The following LIMCH1 variants were observed in gnomAD, a reference collection of about 807,000 sequenced individuals.
LIMCH1 encodes the protein LIM and calponin homology domains 1, also known as LIM and calponin homology domains-containing protein 1.
A neutral mutation model predicts 176.5 loss-of-function variants in LIMCH1; 113 were observed. The ratio of observed to expected loss-of-function variants is 0.64; its 90% CI spans 0.55 to 0.75. LIMCH1 has a LOEUF of 0.75. Among genes scored for constraint, LIMCH1 ranks in the 30% least tolerant of loss-of-function variants. The probability of loss-of-function intolerance (pLI) is 0.00; values close to 1 mark genes in which losing one functional copy is unlikely to be tolerated. For synonymous variants in LIMCH1, 619 were observed against 645.9 expected (o/e 0.96, Z 0.63); for missense variants, 1,674 against 1,814.9 (o/e 0.92, Z 1.41).
chr4:41,558,728 C>T (rs1561747497), intron 1 of LIMCH1, among the ~76,000 whole-genome samples: 1 of 152,090 alleles, frequency 6.6e-6, no homozygotes, highest in Non-Finnish European at 1.5e-5. Context: ...TTGTGTATTT[C>T]CACCTTGGTA....
chr4:41,427,847 C>G (rs2154134420), intron 1 of LIMCH1, among the ~76,000 whole-genome samples: 1 of 151,922 alleles, frequency 6.6e-6, no homozygotes, highest in East Asian at 1.9e-4. Flanking sequence ...ACGGATTCAG[C>G]TAAAGTTTTG....
intron 2 of LIMCH1, among the ~76,000 whole-genome samples, chr4:41,494,913 T>C (rs979475160): frequency 6.6e-6 from 1 of 152,214 alleles, no homozygotes; most frequent in African/African-American, 2.4e-5. Context: ...GTGGACCTAA[T>C]TGTGGTAAAA....
chr4:41,677,959 A>C (rs1712303734), intron 23 of LIMCH1, among the ~76,000 whole-genome samples: 1 of 152,138 alleles, frequency 6.6e-6, no homozygotes, highest in African/African-American at 2.4e-5. Flanking sequence ...ATTATACTTC[A>C]AGTTCTGGGA....
chr4:41,514,238 T>TTACAAAG (rs2075323550), intron 2 of LIMCH1, among the ~76,000 whole-genome samples: 1 of 152,046 alleles, frequency 6.6e-6, no homozygotes, highest in African/African-American at 2.4e-5. Flanking sequence ...CAGAGAGGAC[T>TTACAAAG]AACCCTTTGC....
chr4:41,393,581 A>G (rs958354440), intron 1 of LIMCH1, among the ~76,000 whole-genome samples: 8 of 152,376 alleles, frequency 5.3e-5, no homozygotes, highest in African/African-American at 1.7e-4. Flanking sequence ...GATGGAGACT[A>G]TATGGCTGAA....
chr4:41,680,909 G>T, intron 24 of LIMCH1, 46 bp from the exon 25 acceptor site: 1 of 1,077,224 alleles, frequency 9.3e-7, no homozygotes, highest in Non-Finnish European at 1.4e-6. Context: ...TGACAAATAT[G>T]ATTTTTATTT....
chr4:41,567,936 C>T (rs1351170179), intron 1 of LIMCH1, among the ~76,000 whole-genome samples: 7 of 152,094 alleles, frequency 4.6e-5, no homozygotes, highest in Non-Finnish European at 7.4e-5. Flanking sequence ...AGGCGGACCA[C>T]GAGGTCAGGA....
At chr4:41,601,249 G>A (rs2089869398) in intron 2 of LIMCH1, among the ~76,000 whole-genome samples, 1 of 152,170 alleles carries the variant, frequency 6.6e-6, no homozygotes, top group Non-Finnish European at 1.5e-5. Flanking sequence ...CAAGAAATGA[G>A]AAGCAAAGAA....
chr4:41,652,731 C>T (rs1422869765), intron 18 of LIMCH1, among the ~76,000 whole-genome samples: 1 of 152,016 alleles, frequency 6.6e-6, no homozygotes, highest in African/African-American at 2.4e-5. Context: ...ATTACATATC[C>T]CCCAAAGTAA....
chr4:41,400,661 A>G (rs932088052), intron 1 of LIMCH1, among the ~76,000 whole-genome samples: 2 of 150,690 alleles, frequency 1.3e-5, no homozygotes, highest in Non-Finnish European at 2.9e-5. Flanking sequence ...ATAGAATTTA[A>G]ACATTACTTG....
chr4:41,592,691 C>T (rs1489131066), intron 1 of LIMCH1, among the ~76,000 whole-genome samples: 1 of 152,112 alleles, frequency 6.6e-6, no homozygotes, highest in African/African-American at 2.4e-5. Context: ...TTTTGACATC[C>T]CCACAGGTCG....
At chr4:41,607,445 C>G (rs572603236) in intron 4 of LIMCH1, among the ~76,000 whole-genome samples, 6 of 152,322 alleles carry the variant, frequency 3.9e-5, no homozygotes, top group African/African-American at 1.2e-4. Context: ...CAATGAAGCA[C>G]AACTCATTGC....
chr4:41,622,115 T>A (rs574168225), intron 7 of LIMCH1, among the ~76,000 whole-genome samples: 1 of 152,298 alleles, frequency 6.6e-6, no homozygotes, highest in East Asian at 1.9e-4. Context: ...GCTCTCTGAG[T>A]TTATTAAATA....
At chr4:41,414,957 C>G (rs2154126064) in intron 1 of LIMCH1, among the ~76,000 whole-genome samples, 1 of 152,242 alleles carries the variant, frequency 6.6e-6, no homozygotes, top group Admixed American at 6.5e-5. Context: ...TTTCTTGCCG[C>G]TTATTAGATG....
chr4:41,491,367 G>A (rs1583046948), intron 1 of LIMCH1, among the ~76,000 whole-genome samples: 1 of 133,566 alleles, frequency 7.5e-6, no homozygotes, highest in Non-Finnish European at 1.6e-5. Flanking sequence ...GGGCAGAGGT[G>A]CCCACTTCCC....
chr4:41,631,417 T>A lies in LIMCH1; in HGVS notation c.1541T>A (p.Val514Asp), dbSNP rs1173539715. The change falls in exon 10 of 32, where the codon GTC becomes GAC. Residue 514 changes from valine to aspartate, a missense_variant. Around this residue, in one of 3 missense-constraint regions of LIMCH1, gnomAD observed 655 missense variants for 692.2 expected, o/e 0.95. Coordinates refer to ENST00000503057, the MANE Select transcript of LIMCH1 (RefSeq NM_001330672.2). ...ATTCAAATGGACTCTGTGTCTCCTG[T>A]CTCAGCGGCCACTTCCAGCTTAAAG... ...SKIQMDSVSP[V>D]SAATSSLKGH... is the part of the protein sequence containing the mutation. The A allele has an allele frequency of 1.3e-6, 2 of 1,532,458 alleles. No individual in the cohort carries two copies. Among genetic ancestry groups the A allele is most frequent in the Non-Finnish European group, 1.7e-6 (2 of 1,145,972 alleles). 94.9% of individuals were successfully genotyped at this position (1,532,458 alleles called of 1,614,324 possible).
chr4:41,496,086 G>A (rs2072069697), intron 2 of LIMCH1, among the ~76,000 whole-genome samples: 1 of 152,200 alleles, frequency 6.6e-6, no homozygotes, highest in South Asian at 2.1e-4. Flanking sequence ...CTTTTCCCAT[G>A]ATTCTGGGCT....
intron 1 of LIMCH1, among the ~76,000 whole-genome samples, chr4:41,568,019 GA>G (rs936544979): frequency 1.3e-5 from 2 of 152,160 alleles, no homozygotes; most frequent in Non-Finnish European, 2.9e-5. Context: ...CAGGCATGGT[GA>G]AACCCACCTG....
At chr4:41,453,419 A>T (rs2064139585) in intron 1 of LIMCH1, 1 of 152,242 alleles carries the variant, frequency 6.6e-6, no homozygotes, top group Admixed American at 6.5e-5. Context: ...TGTTATGTGT[A>T]TTATATACTG....
Sources: allele counts gnomAD v4.1 joint callset (sites outside exome capture counted in the v4.1 genomes callset), GRCh38; gene constraint gnomAD v4.1.1; regional missense constraint gnomAD v4.1.1; transcripts MANE v1.5; gene names NCBI Gene and HGNC (gene_info 2026-07-23, HGNC 2026-07-21).